Variants in CPNE4 observed in about 807,000 individuals in gnomAD.
CPNE4 encodes the protein copine 4.
Under a neutral mutation model 67.9 loss-of-function variants are expected in CPNE4, and 25 were observed. The ratio of observed to expected loss-of-function variants is 0.37; its 90% confidence interval spans 0.27 to 0.51. CPNE4 has a LOEUF of 0.51. Ranked by LOEUF, CPNE4 falls within the 20% of genes least tolerant of loss-of-function variation. The pLI is 0.93. For missense variants in CPNE4, 464 were observed against 690.8 expected, an observed-to-expected ratio of 0.67 and a Z score of 3.68; for synonymous variants, 242 against 244.9, an observed-to-expected ratio of 0.99 and a Z score of 0.11.
At position 131,884,515 on chromosome 3, in the gene CPNE4, C is replaced by A. The variant is rs572380233; in HGVS notation, c.180+20749G>T. On this transcript the variant is annotated intron_variant, in intron 2 of 15. Transcript: ENST00000429747. ...CAGGAGAGGACTCATAGTGTGACCA[C>A]AGGATCTGAAATCTGAAGTCAGAGT... Among the ~76,000 whole-genome samples, 15 of 152,234 alleles carry A rather than the reference C, an allele frequency of 9.9e-5. No homozygotes were observed. The South Asian group carries it at 2.9e-3, about 30-fold the overall frequency.
chr3:131,997,482 T>A (rs893947857), intron 1 of CPNE4, among the ~76,000 whole-genome samples: 2 of 152,120 alleles, frequency 1.3e-5, no homozygotes, highest in African/African-American at 4.8e-5. Flanking sequence ...GTGATGTTGA[T>A]CAAGCCCATA....
chr3:131,621,335 C>T (rs1940453045), intron 7 of CPNE4, among the ~76,000 whole-genome samples: 1 of 152,136 alleles, frequency 6.6e-6, no homozygotes, highest in Admixed American at 6.5e-5. Flanking sequence ...GCCTCAAACT[C>T]CTGGGCTCAA....
intron 2 of CPNE4, among the ~76,000 whole-genome samples, chr3:131,792,687 G>GTGTA (rs1553772262): frequency 4.3e-5 from 2 of 46,524 alleles, no homozygotes; most frequent in African/African-American, 7.8e-5. Flanking sequence ...ATACACACGT[G>GTGTA]TATATATACA....
intron 6 of CPNE4, among the ~76,000 whole-genome samples, chr3:131,676,760 A>C (rs1372639387): frequency 6.6e-6 from 1 of 151,998 alleles, no homozygotes; most frequent in East Asian, 1.9e-4. Context: ...TATGTACCAC[A>C]TTTTCTTTAT....
chr3:131,741,687 C>T (rs1316714666), intron 2 of CPNE4, among the ~76,000 whole-genome samples: 2 of 152,130 alleles, frequency 1.3e-5, no homozygotes, highest in Non-Finnish European at 2.9e-5. Context: ...ATTTGCCTGA[C>T]TATGAAAGCA....
At chr3:131,535,457 G>T in intron 15 of CPNE4, 128 bp from the exon 16 acceptor site, 2 of 901,818 alleles carry the variant, frequency 2.2e-6, no homozygotes, top group Middle Eastern at 2.5e-4. Flanking sequence ...ATTTGTCAAG[G>T]GTCTACTTCA....
rs1245421283 is a variant in CPNE4, at chr3:131,714,905, C to G, written c.360+8541G>C. 2.0e-5 allele frequency among the ~76,000 whole-genome samples: 3 copies of G among 152,174 alleles called. No individual in the cohort carries two copies. The East Asian group carries it at 5.8e-4, about 29-fold the overall frequency. ...CAAGGTGTCAGGGATTTCCCAGCCC[C>G]ACTTATGATGACAGAAAGCAGGAAG... On this transcript the variant is annotated intron_variant, in intron 3 of 15. Coordinates refer to ENST00000429747, the MANE Select transcript of CPNE4 (RefSeq NM_130808.3).
At chr3:131,861,746 C>T (rs17297297) in intron 2 of CPNE4, among the ~76,000 whole-genome samples, 3,310 of 130,092 alleles carry the variant, frequency 0.025, 120 homozygotes, top group African/African-American at 0.079. Flanking sequence ...GATATCTCAT[C>T]TTTTTAAAGG....
chr3:131,642,311 G>A (rs2107796306), intron 7 of CPNE4, among the ~76,000 whole-genome samples: 1 of 152,186 alleles, frequency 6.6e-6, no homozygotes. Flanking sequence ...AAGAGTAAAT[G>A]TTCCATCAAG....
At chr3:131,718,248 G>A (rs1431088631) in intron 3 of CPNE4, among the ~76,000 whole-genome samples, 2 of 151,990 alleles carry the variant, frequency 1.3e-5, no homozygotes, top group East Asian at 1.9e-4. Flanking sequence ...CAGCCTCAGC[G>A]TGCTTGGATT....
chr3:131,633,304 C>T (rs2079282966), intron 7 of CPNE4, among the ~76,000 whole-genome samples: 1 of 152,200 alleles, frequency 6.6e-6, no homozygotes, highest in South Asian at 2.1e-4. Flanking sequence ...TCTAAAATTT[C>T]ATTCACCTCC....
At chr3:131,879,794 A>T (rs1461148) in intron 2 of CPNE4, among the ~76,000 whole-genome samples, 1 of 151,954 alleles carries the variant, frequency 6.6e-6, no homozygotes, top group Non-Finnish European at 1.5e-5. Flanking sequence ...GGAGATTGGG[A>T]ATTGGATTCC....
rs1244186341 is a variant in CPNE4, at chr3:131,942,459, TGTGTGA to T, written c.-1-37021_-1-37016del. Among the ~76,000 whole-genome samples, 203 of 56,332 alleles carry T rather than the reference TGTGTGA, an allele frequency of 3.6e-3. 1 individual carries two copies. Among genetic ancestry groups the T allele is most frequent in the Middle Eastern group, 8.5e-3 (1 of 118 alleles). 37.0% of individuals were successfully genotyped at this position (56,332 alleles called of 152,430 possible). A position where few individuals can be genotyped will look rare whatever the true frequency, so the allele number is the denominator to read the frequency against. On this transcript the variant is annotated intron_variant, in intron 1 of 15. Coordinates refer to ENST00000429747, the MANE Select transcript of CPNE4 (RefSeq NM_130808.3). Reference sequence around the variant, plus strand: ...GTGTGTGTGTGTGTGTGTGTGTGTGTGTGTGAGAGAGAGAGAGAGAGAGAGAGAGAG... The same window carrying T: ...GTGTGTGTGTGTGTGTGTGTGTGTGTGAGAGAGAGAGAGAGAGAGAGAGAG...
intron 15 of CPNE4, 137 bp downstream of exon 15, chr3:131,542,420 A>T: frequency 1.4e-6 from 1 of 707,650 alleles, no homozygotes; most frequent in East Asian, 2.5e-5. Context: ...CATCTCCCAC[A>T]GCAAGGGTAT....
intron 2 of CPNE4, among the ~76,000 whole-genome samples, chr3:131,834,579 A>AG (rs1276931608): frequency 1.5e-4 from 23 of 152,158 alleles, no homozygotes; most frequent in Non-Finnish European, 2.6e-4. Flanking sequence ...CTATTTGGAG[A>AG]GAAAAAAAAA....
At position 131,837,704 on chromosome 3, in the gene CPNE4, T is replaced by A. The variant is rs369235328; in HGVS notation, c.180+67560A>T. On this transcript the variant is annotated intron_variant, in intron 2 of 15. Transcript: ENST00000429747. ...CCCTCCACCAAAAATGAAAAGAAGA[T>A]GAAGAGAGAAAGTACATGGAAAAAC... 6.6e-5 allele frequency among the ~76,000 whole-genome samples: 10 copies of A among 151,964 alleles called. No individual in the cohort carries two copies. The South Asian group carries it at 1.0e-3, about 16-fold the overall frequency.
intron 2 of CPNE4, among the ~76,000 whole-genome samples, chr3:131,730,234 A>G (rs1396476653): frequency 6.6e-6 from 1 of 152,216 alleles, no homozygotes; most frequent in Non-Finnish European, 1.5e-5. Flanking sequence ...GATGCATATT[A>G]TAATTGATAT....
chr3:131,639,633 A>G (rs960940979), intron 7 of CPNE4, among the ~76,000 whole-genome samples: 65 of 152,210 alleles, frequency 4.3e-4, no homozygotes, highest in African/African-American at 1.5e-3. Flanking sequence ...CAGAGAAAGA[A>G]GGAATCCTTC....
intron 2 of CPNE4, among the ~76,000 whole-genome samples, chr3:131,815,316 T>C (rs1263804872): frequency 4.6e-5 from 7 of 152,074 alleles, no homozygotes; most frequent in South Asian, 2.1e-4. Flanking sequence ...CTTGAGAAGA[T>C]GGGAAAAAAA....
Sources: gnomAD v4.1 joint callset for allele counts (sites outside exome capture counted in the v4.1 genomes callset) on GRCh38, gnomAD v4.1.1 for gene constraint, MANE v1.5 for transcripts, NCBI Gene and HGNC (gene_info 2026-07-23, HGNC 2026-07-21) for gene names.